Variants in FHIT observed in about 807,000 individuals in gnomAD.
The protein encoded by FHIT is bis(5'-adenosyl)-triphosphatase.
A neutral mutation model predicts 17.9 loss-of-function variants in FHIT; 19 were observed. That is an observed-to-expected ratio of 1.06 (90% CI 0.74 to 1.56). The LOEUF is 1.56. FHIT is among the 40% of genes most tolerant of loss of function. The pLI, the probability that FHIT is intolerant of heterozygous loss-of-function variation, is 0.00. For missense variants in FHIT, 248 were observed against 189.2 expected (o/e 1.31, Z -1.82); for synonymous variants, 81 against 69.7 (o/e 1.16, Z -0.81).
intron 8 of FHIT, among the ~76,000 whole-genome samples, chr3:59,810,237 G>A (rs769211118): frequency 6.6e-6 from 1 of 152,140 alleles, no homozygotes; most frequent in Non-Finnish European, 1.5e-5. Context: ...AAAACAGCAT[G>A]GAGCATCCCA....
At chr3:60,825,189 A>G (rs1246932125) in intron 3 of FHIT, among the ~76,000 whole-genome samples, 2 of 152,212 alleles carry the variant, frequency 1.3e-5, no homozygotes, top group African/African-American at 4.8e-5. Context: ...ACGGCATAGT[A>G]ACTCTTCTTG....
chr3:60,959,256 G>C (rs1412542062), intron 3 of FHIT, among the ~76,000 whole-genome samples: 2 of 152,092 alleles, frequency 1.3e-5, no homozygotes, highest in African/African-American at 2.4e-5. Flanking sequence ...ACTCTTATGA[G>C]CCTCAATTAC....
intron 5 of FHIT, among the ~76,000 whole-genome samples, chr3:60,122,744 T>C (rs1029494173): frequency 2.0e-5 from 3 of 152,184 alleles, no homozygotes; most frequent in Non-Finnish European, 1.5e-5. Flanking sequence ...TAGAAAAAGA[T>C]AGAGGCAGCT....
chr3:60,898,648 C>G (rs1705948389), intron 3 of FHIT, among the ~76,000 whole-genome samples: 1 of 152,198 alleles, frequency 6.6e-6, no homozygotes. Flanking sequence ...TCTAAGCTGT[C>G]TATTGAAATG....
intron 5 of FHIT, among the ~76,000 whole-genome samples, chr3:60,270,600 T>C (rs1309480240): frequency 4.6e-5 from 7 of 152,206 alleles, no homozygotes; most frequent in Admixed American, 4.6e-4. Context: ...TGAAATATTG[T>C]TCACAAATGA....
At chr3:60,431,757 C>T (rs990818617) in intron 5 of FHIT, among the ~76,000 whole-genome samples, 1 of 151,988 alleles carries the variant, frequency 6.6e-6, no homozygotes, top group Non-Finnish European at 1.5e-5. Flanking sequence ...GCCTCTCAAA[C>T]ACCCCCTTCT....
At chr3:60,880,556 A>C (rs981747737) in intron 3 of FHIT, among the ~76,000 whole-genome samples, 5 of 152,204 alleles carry the variant, frequency 3.3e-5, no homozygotes, top group Non-Finnish European at 7.3e-5. Context: ...AACATGGAGA[A>C]ATCCTGTCTC....
chr3:60,503,240 T>C (rs751060767), intron 5 of FHIT, among the ~76,000 whole-genome samples: 1 of 152,198 alleles, frequency 6.6e-6, no homozygotes, highest in African/African-American at 2.4e-5. Flanking sequence ...GCATAATACA[T>C]TCTCACTTAT....
intron 4 of FHIT, among the ~76,000 whole-genome samples, chr3:60,751,119 G>GT (rs752599067): frequency 4.6e-5 from 7 of 152,188 alleles, no homozygotes; most frequent in Non-Finnish European, 8.8e-5. Context: ...CACCAACCAG[G>GT]TAAGTCGAGA....
intron 7 of FHIT, among the ~76,000 whole-genome samples, chr3:59,973,498 C>A (rs1443788969): frequency 6.6e-6 from 1 of 152,126 alleles, no homozygotes; most frequent in Non-Finnish European, 1.5e-5. Context: ...CCCTTACAAC[C>A]CAATTCAATC....
chr3:60,076,589 C>T (rs2736766), intron 5 of FHIT, among the ~76,000 whole-genome samples: 101,802 of 151,710 alleles, frequency 0.67, 35,124 homozygotes, highest in Middle Eastern at 0.79. Context: ...CAGAGGCATA[C>T]TGTGATTAGC....
chr3:60,355,635 C>G (rs958698581), intron 5 of FHIT, among the ~76,000 whole-genome samples: 5 of 152,200 alleles, frequency 3.3e-5, no homozygotes, highest in African/African-American at 9.6e-5. Context: ...AATGGACATG[C>G]AAAGAAACAA....
At chr3:59,927,433 TG>T (rs370913240) in intron 7 of FHIT, among the ~76,000 whole-genome samples, 223 of 149,410 alleles carry the variant, frequency 1.5e-3, no homozygotes, top group African/African-American at 5.2e-3. Context: ...TTTTATATTA[TG>T]TGAATTATAT....
intron 4 of FHIT, among the ~76,000 whole-genome samples, chr3:60,759,466 C>A (rs1699559281): frequency 1.3e-5 from 2 of 152,182 alleles, no homozygotes; most frequent in South Asian, 2.1e-4. Flanking sequence ...CAGTATTTAA[C>A]CTTGACAGTG....
intron 8 of FHIT, among the ~76,000 whole-genome samples, chr3:59,897,959 G>C (rs2107057555): frequency 6.6e-6 from 1 of 152,060 alleles, no homozygotes; most frequent in Admixed American, 6.5e-5. Flanking sequence ...AGTAGAGACG[G>C]GGTTTCGCCG....
At chr3:61,174,056 G>C (rs1440389299) in intron 2 of FHIT, among the ~76,000 whole-genome samples, 4 of 152,234 alleles carry the variant, frequency 2.6e-5, no homozygotes, top group African/African-American at 9.6e-5. Flanking sequence ...ATTAAGGGGA[G>C]TGTGGGAGGA....
chr3:59,876,572 G>T (rs1275288669), intron 8 of FHIT, among the ~76,000 whole-genome samples: 2 of 152,188 alleles, frequency 1.3e-5, no homozygotes, highest in African/African-American at 4.8e-5. Flanking sequence ...CAAGAGAGAA[G>T]AGGTGGAGGG....
rs80023958 is a variant in FHIT, at chr3:60,116,592, G to A, written c.104-102440C>T. On this transcript the variant is annotated intron_variant, in intron 5 of 9. Coordinates refer to ENST00000492590, the MANE Select transcript of FHIT (RefSeq NM_002012.4). ...GAATCCCCTCATTCATTACAAGACA[G>A]TATGAATTAAAGCTCAAGAATGAAC... Among the ~76,000 whole-genome samples, 1,142 of 152,226 alleles carry A rather than the reference G, an allele frequency of 7.5e-3. 17 individuals are homozygous for A. Among genetic ancestry groups the A allele is most frequent in the African/African-American group, 0.026 (1,081 of 41,540 alleles).
intron 5 of FHIT, among the ~76,000 whole-genome samples, chr3:60,412,315 T>C (rs1702091252): frequency 6.6e-6 from 1 of 152,140 alleles, no homozygotes; most frequent in Admixed American, 6.6e-5. Flanking sequence ...CTAGCTTGCG[T>C]TCCTCATAGT....
Sources: gnomAD v4.1 joint callset for allele counts (sites outside exome capture counted in the v4.1 genomes callset) on GRCh38, gnomAD v4.1.1 for gene constraint, MANE v1.5 for transcripts, NCBI Gene and HGNC (gene_info 2026-07-23, HGNC 2026-07-21) for gene names.